Variants in KHDRBS2 observed in about 807,000 individuals in gnomAD.
The protein encoded by KHDRBS2 is KH RNA binding domain containing, signal transduction associated 2.
In KHDRBS2, 26 loss-of-function variants were observed where a neutral mutation model predicts 44.3. The observed-to-expected ratio is 0.59, with a 90% CI of 0.43 to 0.81. KHDRBS2 has a LOEUF of 0.81. Among genes scored for constraint, KHDRBS2 ranks in the 40% least tolerant of loss-of-function variants. KHDRBS2 has a pLI of 0.00. For synonymous variants in KHDRBS2, 194 were observed against 151.1 expected, an observed-to-expected ratio of 1.28 and a Z score of -2.08; for missense variants, 476 against 433.1, an observed-to-expected ratio of 1.10 and a Z score of -0.88.
chr6:61,898,381 T>C (rs1803320789), intron 5 of KHDRBS2, among the ~76,000 whole-genome samples: 1 of 152,040 alleles, frequency 6.6e-6, no homozygotes, highest in Admixed American at 6.6e-5. Context: ...TCTTTACATG[T>C]AATACATTTA....
the KHDRBS2 span, among the ~76,000 whole-genome samples, chr6:61,607,908 A>T: frequency 6.6e-6 from 1 of 152,044 alleles, no homozygotes; most frequent in African/African-American, 2.4e-5. Flanking sequence ...GGCTGGTCTC[A>T]AACTCCTGAC....
At chr6:61,734,609 G>C (rs1775031521) in intron 6 of KHDRBS2, among the ~76,000 whole-genome samples, 1 of 151,788 alleles carries the variant, frequency 6.6e-6, no homozygotes, top group Admixed American at 6.6e-5. Flanking sequence ...TTTTTCATTA[G>C]TCAATATTAA....
chr6:62,202,942 A>G (rs1378099457), intron 1 of KHDRBS2, among the ~76,000 whole-genome samples: 2 of 152,176 alleles, frequency 1.3e-5, no homozygotes, highest in African/African-American at 4.8e-5. Flanking sequence ...ACTATAATTG[A>G]TTGTATTTTA....
intron 6 of KHDRBS2, among the ~76,000 whole-genome samples, chr6:61,878,140 C>T (rs1799703665): frequency 6.6e-6 from 1 of 151,852 alleles, no homozygotes; most frequent in Non-Finnish European, 1.5e-5. Flanking sequence ...TAGGTCATTA[C>T]ATAACTTCCA....
intron 6 of KHDRBS2, among the ~76,000 whole-genome samples, chr6:61,814,504 T>G (rs1177158239): frequency 4.1e-5 from 5 of 122,620 alleles, no homozygotes; most frequent in African/African-American, 1.8e-4. Flanking sequence ...CTACTTGGGA[T>G]GCTGAGGCAG....
chr6:61,722,332 A>T (rs1772757147), intron 7 of KHDRBS2, among the ~76,000 whole-genome samples: 1 of 152,154 alleles, frequency 6.6e-6, no homozygotes, highest in Non-Finnish European at 1.5e-5. Flanking sequence ...TTCCTGAACT[A>T]GCAATACCTT....
chr6:61,596,073 C>T, the KHDRBS2 span, among the ~76,000 whole-genome samples: 4 of 152,084 alleles, frequency 2.6e-5, no homozygotes, highest in Admixed American at 6.6e-5. Flanking sequence ...GTGAAGATGG[C>T]AGCTGGTGAC....
At chr6:61,566,163 A>T in the KHDRBS2 span, among the ~76,000 whole-genome samples, 4 of 152,112 alleles carry the variant, frequency 2.6e-5, no homozygotes, top group Non-Finnish European at 5.9e-5. Flanking sequence ...TCATGTTCTC[A>T]CTAACATGTG....
intron 7 of KHDRBS2, among the ~76,000 whole-genome samples, chr6:61,726,376 C>T (rs1020579064): frequency 1.3e-5 from 2 of 152,154 alleles, no homozygotes; most frequent in Non-Finnish European, 2.9e-5. Context: ...ACAAGGATGC[C>T]TTCTCTCACC....
intron 1 of KHDRBS2, among the ~76,000 whole-genome samples, chr6:62,199,449 C>T (rs901143953): frequency 6.6e-6 from 1 of 152,072 alleles, no homozygotes; most frequent in African/African-American, 2.4e-5. Context: ...CAATAACAGA[C>T]AGAGAGCCAA....
chr6:62,103,137 T>A (rs368332655), intron 2 of KHDRBS2, among the ~76,000 whole-genome samples: 1 of 152,030 alleles, frequency 6.6e-6, no homozygotes, highest in African/African-American at 2.4e-5. Context: ...TCAATGAAGT[T>A]CTCACTCCTG....
intron 3 of KHDRBS2, among the ~76,000 whole-genome samples, chr6:61,981,337 C>A (rs2127405103): frequency 6.6e-6 from 1 of 152,036 alleles, no homozygotes; most frequent in East Asian, 1.9e-4. Flanking sequence ...TTTTCTTTAC[C>A]TGTTAAGTAA....
At chr6:62,184,742 G>T (rs572784082) in intron 1 of KHDRBS2, among the ~76,000 whole-genome samples, 2 of 151,814 alleles carry the variant, frequency 1.3e-5, no homozygotes, top group South Asian at 4.1e-4. Context: ...CTCAGATAAG[G>T]ATTTCTTGCA....
At chr6:61,770,944 A>G (rs1324321873) in intron 6 of KHDRBS2, among the ~76,000 whole-genome samples, 1 of 152,188 alleles carries the variant, frequency 6.6e-6, no homozygotes, top group Non-Finnish European at 1.5e-5. Context: ...GAGAAAGGTC[A>G]GGTTACCCAC....
At chr6:62,073,287 A>G (rs1310839452) in intron 2 of KHDRBS2, among the ~76,000 whole-genome samples, 3 of 151,786 alleles carry the variant, frequency 2.0e-5, no homozygotes, top group African/African-American at 7.2e-5. Flanking sequence ...GTCAGTTTTG[A>G]TAATTTGTAT....
At chr6:62,196,712 T>C (rs1006316510) in intron 1 of KHDRBS2, among the ~76,000 whole-genome samples, 1 of 152,108 alleles carries the variant, frequency 6.6e-6, no homozygotes, top group Non-Finnish European at 1.5e-5. Flanking sequence ...CACAGGTAGA[T>C]GAGCTTGAGG....
chr6:62,149,839 C>T (rs1261917634), intron 2 of KHDRBS2, among the ~76,000 whole-genome samples: 2 of 152,170 alleles, frequency 1.3e-5, no homozygotes, highest in Non-Finnish European at 2.9e-5. Flanking sequence ...AGCATTTCAT[C>T]AGCATAGGCC....
chr6:61,669,417 A>G, the KHDRBS2 span, among the ~76,000 whole-genome samples: 1 of 150,850 alleles, frequency 6.6e-6, no homozygotes, highest in African/African-American at 2.4e-5. Flanking sequence ...TTATAAATAC[A>G]TCCAATATAT....
intron 4 of KHDRBS2, among the ~76,000 whole-genome samples, chr6:61,934,982 C>T (rs532453292): frequency 1.3e-5 from 2 of 152,282 alleles, no homozygotes; most frequent in East Asian, 3.9e-4. Context: ...CAATCAGTTT[C>T]TTCCATTCTC....
Sources: gnomAD v4.1 joint callset for allele counts (sites outside exome capture counted in the v4.1 genomes callset) on GRCh38, gnomAD v4.1.1 for gene constraint, MANE v1.5 for transcripts, NCBI Gene and HGNC (gene_info 2026-07-23, HGNC 2026-07-21) for gene names.